TUSC3: variants seen among roughly 807,000 people sequenced by gnomAD.
TUSC3 encodes the protein dolichyl-diphosphooligosaccharide--protein glycosyltransferase subunit TUSC3.
TUSC3 carries 45 observed loss-of-function variants against 44.8 expected under a neutral mutation model. That is an observed-to-expected ratio of 1.00 (90% CI 0.79 to 1.29). The LOEUF (loss-of-function observed/expected upper bound fraction) is 1.29, where lower values mean the gene tolerates loss of function less well. TUSC3 is among the 50% of genes most tolerant of loss of function. The pLI is 0.00. For synonymous variants in TUSC3, 212 were observed against 152.9 expected (o/e 1.39, Z -2.85); for missense variants, 519 against 437.9 (o/e 1.19, Z -1.65).
At chr8:15,675,594 C>T (rs1214733666) in intron 6 of TUSC3, among the ~76,000 whole-genome samples, 1 of 151,996 alleles carries the variant, frequency 6.6e-6, no homozygotes, top group African/African-American at 2.4e-5. Flanking sequence ...TTTTTCAGCC[C>T]CTTCCTCCTC....
At chr8:15,745,779 A>C (rs552971830) in intron 8 of TUSC3, among the ~76,000 whole-genome samples, 1 of 151,892 alleles carries the variant, frequency 6.6e-6, no homozygotes, top group South Asian at 2.1e-4. Flanking sequence ...TGCGGTGCAG[A>C]GGCTCATTAA....
At chr8:15,607,067 C>G (rs766533126) in intron 1 of TUSC3, among the ~76,000 whole-genome samples, 6 of 152,022 alleles carry the variant, frequency 3.9e-5, no homozygotes, top group Non-Finnish European at 8.8e-5. Flanking sequence ...CAGTAGTAAG[C>G]TTTTACCCTG....
intron 6 of TUSC3, among the ~76,000 whole-genome samples, chr8:15,728,004 T>G (rs1384462189): frequency 6.6e-6 from 1 of 152,166 alleles, no homozygotes; most frequent in Non-Finnish European, 1.5e-5. Flanking sequence ...ATACAAGAAA[T>G]AAGCTACAAG....
At chr8:15,486,804 A>G (rs1013587298) in intron 2 of TUSC3, among the ~76,000 whole-genome samples, 1 of 152,126 alleles carries the variant, frequency 6.6e-6, no homozygotes, top group African/African-American at 2.4e-5. Flanking sequence ...TCAGGAATGT[A>G]TTCTATATTC....
chr8:15,610,848 A>T (rs1804732898), intron 1 of TUSC3, among the ~76,000 whole-genome samples: 1 of 152,130 alleles, frequency 6.6e-6, no homozygotes, highest in South Asian at 2.1e-4. Context: ...GGGTACAAAG[A>T]TGGTCAAAAT....
At chr8:15,801,720 G>T in the TUSC3 span, among the ~76,000 whole-genome samples, 1 of 152,106 alleles carries the variant, frequency 6.6e-6, no homozygotes, top group Non-Finnish European at 1.5e-5. Context: ...CATGTAGAAC[G>T]TACCCTTGCT....
At chr8:15,693,272 TA>T in intron 6 of TUSC3, among the ~76,000 whole-genome samples, 1 of 152,152 alleles carries the variant, frequency 6.6e-6, no homozygotes, top group Non-Finnish European at 1.5e-5. Context: ...TATTTAAGTA[TA>T]TTTTTATAGT....
downstream of TUSC3, among the ~76,000 whole-genome samples, chr8:15,768,775 C>A (rs556637225): frequency 6.6e-6 from 1 of 152,194 alleles, no homozygotes; most frequent in African/African-American, 2.4e-5. Flanking sequence ...GCGAAAACCA[C>A]AAGAATTTCT....
intron 1 of TUSC3, among the ~76,000 whole-genome samples, chr8:15,555,577 A>C (rs1052119745): frequency 3.3e-5 from 5 of 151,436 alleles, no homozygotes; most frequent in African/African-American, 1.2e-4. Context: ...TTACAGTATT[A>C]CAGTCTTAAA....
chr8:15,762,448 A>T (rs982823181), intron 10 of TUSC3, among the ~76,000 whole-genome samples: 5 of 152,238 alleles, frequency 3.3e-5, no homozygotes, highest in Middle Eastern at 6.8e-3. Flanking sequence ...ACTCACAGAG[A>T]TCCTTTTACT....
At chr8:15,722,741 T>C (rs534625901) in intron 6 of TUSC3, among the ~76,000 whole-genome samples, 1 of 152,228 alleles carries the variant, frequency 6.6e-6, no homozygotes, top group East Asian at 1.9e-4. Context: ...TGGAAAATTT[T>C]TGTTAAAAAA....
intron 6 of TUSC3, among the ~76,000 whole-genome samples, chr8:15,723,707 G>A (rs1287362978): frequency 2.6e-5 from 4 of 152,088 alleles, no homozygotes; most frequent in African/African-American, 9.7e-5. Context: ...AAATGTTAGA[G>A]TGGGATTTAA....
intron 5 of TUSC3, among the ~76,000 whole-genome samples, chr8:15,666,540 T>A (rs1192132450): frequency 6.6e-6 from 1 of 151,496 alleles, no homozygotes; most frequent in Non-Finnish European, 1.5e-5. Context: ...ATGTACACAT[T>A]GTGATTTATC....
At chr8:15,715,797 T>C (rs1443012652) in intron 6 of TUSC3, among the ~76,000 whole-genome samples, 1 of 152,172 alleles carries the variant, frequency 6.6e-6, no homozygotes, top group African/African-American at 2.4e-5. Flanking sequence ...GGCATACTTT[T>C]CTGTGGATAT....
At chr8:15,620,773 A>G (rs886918503) in intron 1 of TUSC3, among the ~76,000 whole-genome samples, 2 of 152,192 alleles carry the variant, frequency 1.3e-5, no homozygotes, top group East Asian at 1.9e-4. Context: ...CATGGGAAAT[A>G]GGAGTACCAG....
At chr8:15,803,885 T>A in the TUSC3 span, among the ~76,000 whole-genome samples, 1 of 152,188 alleles carries the variant, frequency 6.6e-6, no homozygotes, top group Non-Finnish European at 1.5e-5. Context: ...GAACTCATTC[T>A]TTTTTATGTC....
intron 1 of TUSC3, among the ~76,000 whole-genome samples, chr8:15,440,279 T>C (rs112806807): frequency 9.2e-5 from 14 of 152,088 alleles, no homozygotes; most frequent in African/African-American, 1.2e-4. Context: ...CCTGTGGCCA[T>C]TGGGAGTATG....
chr8:15,434,001 A>C (rs923879880), intron 1 of TUSC3, among the ~76,000 whole-genome samples: 1 of 152,166 alleles, frequency 6.6e-6, no homozygotes, highest in African/African-American at 2.4e-5. Flanking sequence ...TGTGTCATAT[A>C]CTAAGTATAT....
chr8:15,824,463 A>G, the TUSC3 span, among the ~76,000 whole-genome samples: 3 of 105,266 alleles, frequency 2.8e-5, no homozygotes, highest in Non-Finnish European at 7.3e-5. Context: ...CACAAAGGAC[A>G]TGAACTCATC....
Sources: allele counts gnomAD v4.1 joint callset (sites outside exome capture counted in the v4.1 genomes callset), GRCh38; gene constraint gnomAD v4.1.1; transcripts MANE v1.5; gene names NCBI Gene and HGNC (gene_info 2026-07-23, HGNC 2026-07-21).